The following FBXL7 variants were observed in gnomAD, a reference collection of about 807,000 sequenced individuals.
FBXL7 encodes F-box/LRR-repeat protein 7.
A neutral mutation model predicts 38.3 loss-of-function variants in FBXL7; 12 were observed. That is an observed-to-expected ratio of 0.31 (90% confidence interval 0.20 to 0.51). FBXL7 has a LOEUF of 0.51. FBXL7 is among the 20% of genes least tolerant of loss of function. The probability of loss-of-function intolerance (pLI) is 0.98; values close to 1 mark genes in which losing one functional copy is unlikely to be tolerated. For synonymous variants in FBXL7, 297 were observed against 300.9 expected (o/e 0.99, Z 0.13); for missense variants, 567 against 676.4 (o/e 0.84, Z 1.79).
chr5:15,658,056 G>A (rs1741937144), intron 2 of FBXL7, among the ~76,000 whole-genome samples: 1 of 152,004 alleles, frequency 6.6e-6, no homozygotes, highest in African/African-American at 2.4e-5. Context: ...ACTAGGAGGT[G>A]CTTTATGGAA....
Position 15,586,144 on chromosome 5 carries a change from G to A in FBXL7, c.38-29839G>A, listed in dbSNP as rs574393820. Among the ~76,000 whole-genome samples the A allele has an allele frequency of 9.2e-5, 14 of 152,218 alleles. No individual in the cohort carries two copies. The South Asian group carries it at 1.2e-3, about 14-fold the overall frequency. On this transcript the variant is annotated intron_variant, in intron 1 of 3. Transcript: ENST00000504595. ...ATGTTTGCTCTACACAGAATCTGGGGGGTATTAAGATTGATGAGGGAATCA... is the reference window on the plus strand; with the variant it reads ...ATGTTTGCTCTACACAGAATCTGGGAGGTATTAAGATTGATGAGGGAATCA...
intron 2 of FBXL7, among the ~76,000 whole-genome samples, chr5:15,795,002 G>A (rs893460044): frequency 6.6e-6 from 1 of 152,218 alleles, no homozygotes; most frequent in South Asian, 2.1e-4. Context: ...AGCATGAACT[G>A]CTTATGAAAC....
At chr5:15,530,075 A>G (rs1737376115) in intron 1 of FBXL7, among the ~76,000 whole-genome samples, 1 of 152,198 alleles carries the variant, frequency 6.6e-6, no homozygotes, top group Non-Finnish European at 1.5e-5. Context: ...ACCCTTGATG[A>G]TGAAATCTAG....
At chr5:15,564,911 TA>T (rs1281165145) in intron 1 of FBXL7, among the ~76,000 whole-genome samples, 1 of 152,146 alleles carries the variant, frequency 6.6e-6, no homozygotes, top group Non-Finnish European at 1.5e-5. Context: ...GTTTTTATTT[TA>T]AAATAAATAA....
chr5:15,763,834 G>A (rs1429542146), intron 2 of FBXL7, among the ~76,000 whole-genome samples: 4 of 152,172 alleles, frequency 2.6e-5, no homozygotes, highest in African/African-American at 9.7e-5. Flanking sequence ...GATTTATTAT[G>A]GGAATAGGCT....
chr5:15,775,168 A>G (rs1029115744), intron 2 of FBXL7, among the ~76,000 whole-genome samples: 2 of 152,246 alleles, frequency 1.3e-5, no homozygotes, highest in African/African-American at 4.8e-5. Context: ...TGTGCAACCA[A>G]AACACAAGCA....
chr5:15,799,356 C>CTTTTT (rs34953272), intron 2 of FBXL7, among the ~76,000 whole-genome samples: 36 of 90,886 alleles, frequency 4.0e-4, no homozygotes, highest in Non-Finnish European at 4.8e-4. Context: ...AAACCCCTCC[C>CTTTTT]TTTTTTTTTT....
chr5:15,689,270 T>TG (rs1360794258), intron 2 of FBXL7, among the ~76,000 whole-genome samples: 1 of 149,004 alleles, frequency 6.7e-6, no homozygotes, highest in East Asian at 1.9e-4. Flanking sequence ...ATTTTCAGTT[T>TG]TTTTTTTTTT....
intron 2 of FBXL7, among the ~76,000 whole-genome samples, chr5:15,885,790 C>A (rs1260845425): frequency 1.3e-5 from 2 of 152,246 alleles, no homozygotes; most frequent in East Asian, 3.9e-4. Flanking sequence ...CTCACCACAG[C>A]CTCAATTTCC....
chr5:15,779,601 T>C (rs925298011), intron 2 of FBXL7, among the ~76,000 whole-genome samples: 2 of 152,282 alleles, frequency 1.3e-5, no homozygotes, highest in Non-Finnish European at 2.9e-5. Flanking sequence ...TTGGTTTCCA[T>C]GCCTTTCCGA....
chr5:15,806,645 C>T (rs1276860063), intron 2 of FBXL7, among the ~76,000 whole-genome samples: 1 of 152,116 alleles, frequency 6.6e-6, no homozygotes, highest in African/African-American at 2.4e-5. Context: ...CAGGGCTTTT[C>T]CCGTCCAACT....
intron 1 of FBXL7, among the ~76,000 whole-genome samples, chr5:15,507,979 G>T (rs761166040): frequency 4.5e-4 from 68 of 151,448 alleles, no homozygotes; most frequent in Non-Finnish European, 8.8e-4. Flanking sequence ...GGAGGTGGAG[G>T]TTGCAGTGAG....
At chr5:15,645,200 G>T (rs1580430737) in intron 2 of FBXL7, among the ~76,000 whole-genome samples, 1 of 152,140 alleles carries the variant, frequency 6.6e-6, no homozygotes, top group East Asian at 1.9e-4. Context: ...TTCCTACCTT[G>T]ATATGGACTG....
chr5:15,794,994 C>A (rs1737378360), intron 2 of FBXL7, among the ~76,000 whole-genome samples: 1 of 152,210 alleles, frequency 6.6e-6, no homozygotes, highest in Non-Finnish European at 1.5e-5. Context: ...GATGCCTTAG[C>A]ATGAACTGCT....
At chr5:15,735,121 C>G (rs994238240) in intron 2 of FBXL7, among the ~76,000 whole-genome samples, 3 of 152,160 alleles carry the variant, frequency 2.0e-5, no homozygotes, top group Admixed American at 2.0e-4. Context: ...TTAGTAGAAA[C>G]AGAGTTTCAC....
chr5:15,800,106 C>T (rs1737522801), intron 2 of FBXL7, among the ~76,000 whole-genome samples: 1 of 151,982 alleles, frequency 6.6e-6, no homozygotes, highest in African/African-American at 2.4e-5. Flanking sequence ...CCTTGAAATC[C>T]AGGGAGGAGC....
chr5:15,929,680 G>T (rs958940000), intron 3 of FBXL7, among the ~76,000 whole-genome samples: 1 of 151,208 alleles, frequency 6.6e-6, no homozygotes, highest in Non-Finnish European at 1.5e-5. Flanking sequence ...TGGCTGCTTT[G>T]CTTGGAAACC....
chr5:15,887,606 T>A (rs1200857968), intron 2 of FBXL7, among the ~76,000 whole-genome samples: 1 of 152,158 alleles, frequency 6.6e-6, no homozygotes, highest in African/African-American at 2.4e-5. Flanking sequence ...CTTCTAAGCT[T>A]TGTTAAGGTG....
At chr5:15,764,910 G>T (rs559190019) in intron 2 of FBXL7, among the ~76,000 whole-genome samples, 1 of 152,114 alleles carries the variant, frequency 6.6e-6, no homozygotes, top group Non-Finnish European at 1.5e-5. Flanking sequence ...GAAGCCAAGA[G>T]GCAAATTGCA....
Sources: allele counts gnomAD v4.1 joint callset (sites outside exome capture counted in the v4.1 genomes callset), GRCh38; gene constraint gnomAD v4.1.1; transcripts MANE v1.5; gene names NCBI Gene and HGNC (gene_info 2026-07-23, HGNC 2026-07-21).